Variants in GPC1 observed in about 807,000 individuals in gnomAD.
GPC1 encodes glypican-1.
In GPC1, 26 loss-of-function variants were observed where a neutral mutation model predicts 51.5. That is an observed-to-expected ratio of 0.50 (90% confidence interval 0.37 to 0.70). The LOEUF (loss-of-function observed/expected upper bound fraction) is 0.70, where lower values mean the gene tolerates loss of function less well. Ranked by LOEUF, GPC1 falls within the 30% of genes least tolerant of loss-of-function variation. GPC1 has a pLI of 0.00. For synonymous variants in GPC1, 380 were observed against 348.3 expected (o/e 1.09, Z -1.01); for missense variants, 775 against 800.5 (o/e 0.97, Z 0.38).
At chr2:240,457,957 C>T (rs1463602129) in intron 1 of GPC1, 2 of 448,374 alleles carry the variant, frequency 4.5e-6, no homozygotes, top group Non-Finnish European at 9.5e-6. Context: ...CCTGCTTCCA[C>T]CTCTCCACTG....
At chr2:240,441,824 C>T (rs1395046906) in intron 1 of GPC1, among the ~76,000 whole-genome samples, 1 of 152,178 alleles carries the variant, frequency 6.6e-6, no homozygotes, top group Non-Finnish European at 1.5e-5. Flanking sequence ...ACCTCCAGGC[C>T]CCACACCCAG....
At chr2:240,462,679 G>GGCCCAGA in intron 3 of GPC1, 97 bp downstream of exon 3, 1 of 1,144,832 alleles carries the variant, frequency 8.7e-7, no homozygotes, top group Non-Finnish European at 1.2e-6. Flanking sequence ...CTGTGCCCCT[G>GGCCCAGA]GGCCTCTGGG....
At chr2:240,443,184 C>A (rs894446913) in intron 1 of GPC1, among the ~76,000 whole-genome samples, 1 of 152,262 alleles carries the variant, frequency 6.6e-6, no homozygotes, top group African/African-American at 2.4e-5. Flanking sequence ...GGCCTGAAAA[C>A]CTTCTCCAGG....
In GPC1 at chr2:240,448,334, A is replaced by G. The variant is rs1239521576; in HGVS notation, c.167-10696A>G. Among the ~76,000 whole-genome samples, 1 of 143,278 alleles carries G rather than the reference A, an allele frequency of 7.0e-6. No homozygotes were observed. Among genetic ancestry groups the G allele is most frequent in the Non-Finnish European group, 1.6e-5 (1 of 63,324 alleles). The allele number at this position is 143,278 out of a possible 152,430, so 94.0% of individuals were successfully genotyped here. A position where few individuals can be genotyped will look rare whatever the true frequency, so the allele number is the denominator to read the frequency against. On this transcript the variant is annotated intron_variant, in intron 1 of 8. Transcript: ENST00000264039. The surrounding 1 kb of genome is among the most constrained non-coding windows in gnomAD (Gnocchi z 4.5). ...CCCAACCTCTGCCCAGAGCCATCTC[A>G]TGGGATCCTGGCATCCCTCTGTCTG...
chr2:240,462,764 C>G (rs1358949565), intron 3 of GPC1, among the ~76,000 whole-genome samples, 182 bp downstream of exon 3: 1 of 152,254 alleles, frequency 6.6e-6, no homozygotes, highest in Non-Finnish European at 1.5e-5. Context: ...TAACAGCGTA[C>G]CCACAGATGT....
intron 1 of GPC1, among the ~76,000 whole-genome samples, chr2:240,453,264 C>T (rs1266340161): frequency 1.7e-5 from 2 of 120,996 alleles, no homozygotes; most frequent in Non-Finnish European, 3.5e-5. Flanking sequence ...CCCAGCTGCA[C>T]CTACCCCTAC....
In GPC1 at chr2:240,464,900, C is replaced by T. The variant is rs2229458; in HGVS notation, c.1059C>T (p.Pro353=). 875,038 of 1,550,606 alleles carry T rather than the reference C, an allele frequency of 0.56. 249,700 individuals are homozygous for T. The highest frequency in any genetic ancestry group is 0.64 in the African/African-American group (46,609 of 73,136). ...CGNPKVNPQG[P]GPEEKRRRGK... is the part of the protein sequence containing the mutation. The stretch of plus-strand genomic sequence containing the variant: ...ACCCCAAGGTCAACCCCCAGGGCCC[C>T]GGGCCTGAGGAGAAGCGGCGCCGGG... Residue 353 remains proline (P), a synonymous_variant, in exon 6 of 9, where the codon CCC becomes CCT. Transcript: ENST00000264039.
At chr2:240,438,852 C>A (rs2074000508) in intron 1 of GPC1, among the ~76,000 whole-genome samples, 1 of 152,180 alleles carries the variant, frequency 6.6e-6, no homozygotes, top group Non-Finnish European at 1.5e-5. Context: ...AGGAAGCAGG[C>A]CTGGGTGCCA....
Position 240,436,005 on chromosome 2 carries a change from C to CT in GPC1, c.87_88insT (p.Arg30SerfsTer28). 7.2e-7 allele frequency: 1 copy of CT among 1,384,338 alleles called. No homozygotes were observed. The highest frequency in any genetic ancestry group is 9.4e-7 in the Non-Finnish European group (1 of 1,066,386). 85.8% of individuals were successfully genotyped at this position (1,384,338 alleles called of 1,614,324 possible). A position where few individuals can be genotyped will look rare whatever the true frequency, so the allele number is the denominator to read the frequency against. ...CCCGCGGGGACCCGGCCAGCAAGAG[C>CT]CGGAGCTGCGGCGAGGTCCGCCAGA... On this transcript the variant is annotated frameshift_variant, in exon 1 of 9. Transcript: ENST00000264039. LOFTEE classifies it high-confidence loss of function.
At chr2:240,438,701 A>T (rs1330104290) in intron 1 of GPC1, among the ~76,000 whole-genome samples, 6 of 152,170 alleles carry the variant, frequency 3.9e-5, no homozygotes, top group Non-Finnish European at 8.8e-5. Flanking sequence ...GGGACCAGAA[A>T]AGGCAGTGGG....
At chr2:240,456,120 G>A (rs1044541546) in intron 1 of GPC1, 1 of 282,802 alleles carries the variant, frequency 3.5e-6, no homozygotes, top group Admixed American at 5.5e-5. Context: ...GGCTGGGCGA[G>A]TTGGCCGGGC....
chr2:240,464,752 G>T lies in GPC1; in HGVS notation c.1014+6G>T. ...GGGACACGCTCACGGCCAAGGTGCG[G>T]GCAGGAGGACGTGACGAGCACAGCG... On this transcript the variant is annotated splice_donor_region_variant and intron_variant, in intron 5 of 8. Coordinates refer to ENST00000264039, the MANE Select transcript of GPC1 (RefSeq NM_002081.3). 6.2e-7 allele frequency: 1 copy of T among 1,604,704 alleles called. No individual in the cohort carries two copies. Among genetic ancestry groups the T allele is most frequent in the Non-Finnish European group, 8.5e-7 (1 of 1,175,954 alleles).
At chr2:240,455,921 CAG>C (rs1273381520) in intron 1 of GPC1, 22 of 336,504 alleles carry the variant, frequency 6.5e-5, no homozygotes, top group Non-Finnish European at 9.9e-5. Flanking sequence ...CAGCGGGCCT[CAG>C]GGGGCCGCCT....
chr2:240,458,617 G>A (rs1471470097), intron 1 of GPC1: 1 of 181,718 alleles, frequency 5.5e-6, no homozygotes, highest in African/African-American at 2.4e-5. Context: ...GGAAGAGAGG[G>A]GGATTGGATT....
chr2:240,443,143 C>G (rs1480208877), intron 1 of GPC1, among the ~76,000 whole-genome samples: 3 of 152,286 alleles, frequency 2.0e-5, no homozygotes, highest in Non-Finnish European at 4.4e-5. Flanking sequence ...TGTGCCGTCA[C>G]AGAACTGGGG....
At chr2:240,447,230 C>T (rs1339507705) in intron 1 of GPC1, among the ~76,000 whole-genome samples, 1 of 152,150 alleles carries the variant, frequency 6.6e-6, no homozygotes, top group Non-Finnish European at 1.5e-5. Flanking sequence ...TCGTAGATGA[C>T]CCCCATGTTC....
intron 7 of GPC1, 127 bp downstream of exon 7, chr2:240,465,337 G>T (rs1348430694): frequency 3.7e-6 from 5 of 1,341,608 alleles, no homozygotes; most frequent in East Asian, 2.4e-5. Flanking sequence ...CTTCTCTGCG[G>T]CCTGTGTGGG....
intron 1 of GPC1, chr2:240,450,097 A>T: frequency 3.0e-6 from 1 of 338,782 alleles, no homozygotes; most frequent in Non-Finnish European, 5.8e-6. Context: ...TTCATTGTTT[A>T]TCTGAAATTC....
At chr2:240,463,195 G>A (rs755020285) in intron 3 of GPC1, 152 bp from the exon 4 acceptor site, 9 of 625,190 alleles carry the variant, frequency 1.4e-5, no homozygotes, top group South Asian at 5.9e-5. Context: ...CAGGCCCTGC[G>A]AGTCAGGCAG....
Sources: gnomAD v4.1 joint callset for allele counts (sites outside exome capture counted in the v4.1 genomes callset) on GRCh38, gnomAD v4.1.1 for gene constraint, Gnocchi (gnomAD v3.1) non-coding constraint, MANE v1.5 for transcripts, NCBI Gene and HGNC (gene_info 2026-07-23, HGNC 2026-07-21) for gene names.